AKAP17A: variants seen among roughly 807,000 people sequenced by gnomAD.
AKAP17A encodes A-kinase anchor protein 17A.
Under a neutral mutation model 52.2 loss-of-function variants are expected in AKAP17A, and 15 were observed. The ratio of observed to expected loss-of-function variants is 0.29; its 90% CI spans 0.19 to 0.44. AKAP17A has a LOEUF of 0.44. AKAP17A is among the 20% of genes least tolerant of loss of function. The pLI is 1.00. For synonymous variants in AKAP17A, 514 were observed against 424.7 expected (o/e 1.21, Z -2.58); for missense variants, 1,060 against 1,007.0 (o/e 1.05, Z -0.71).
intron 4 of AKAP17A, chrX:1,599,730 C>A: frequency 3.2e-6 from 2 of 621,836 alleles, no homozygotes; most frequent in South Asian, 3.9e-5. Flanking sequence ...TCCTTTGGGT[C>A]GGGGCAGTGG....
At chrX:1,595,804 C>T (rs1183310137) in intron 3 of AKAP17A, among the ~76,000 whole-genome samples, 1 of 151,562 alleles carries the variant, frequency 6.6e-6, no homozygotes, top group African/African-American at 2.4e-5. Context: ...CGTGTGTGTA[C>T]CTGTGTGTGT....
At chrX:1,594,372 A>G in intron 2 of AKAP17A, 148 bp downstream of exon 2, 1 of 948,274 alleles carries the variant, frequency 1.1e-6, no homozygotes, top group Non-Finnish European at 1.5e-6. Flanking sequence ...TGCCTGTCCA[A>G]TTTCAGAGGC....
Position 1,596,226 on chromosome X carries a change from T to TTA in AKAP17A, c.911+694_911+695insTA, listed in dbSNP as rs760221329. ...GAGGGTTGATGGTGATGGCCAGATT[T>TTA]AAAAAAAAAAAAAAAAACAAAAAAC... On this transcript the variant is annotated intron_variant, in intron 3 of 4. Coordinates refer to ENST00000313871, the MANE Select transcript of AKAP17A (RefSeq NM_005088.3). Among the ~76,000 whole-genome samples the TTA allele has an allele frequency of 2.0e-4, 27 of 133,976 alleles. No individual in the cohort carries two copies. In the East Asian group the frequency reaches 5.6e-3, roughly 28 times the overall value. 87.9% of individuals were successfully genotyped at this position (133,976 alleles called of 152,430 possible).
intron 3 of AKAP17A, 55 bp from the exon 4 acceptor site, chrX:1,599,137 T>G (rs1304798591): frequency 1.3e-6 from 2 of 1,591,654 alleles, no homozygotes; most frequent in Admixed American, 3.5e-5. Context: ...TTGTATGGTG[T>G]GTGGTGTGTT....
In AKAP17A at chrX:1,599,446, C is replaced by T; in HGVS notation, c.1152+14C>T. 6.4e-7 allele frequency: 1 copy of T among 1,555,518 alleles called. No individual in the cohort carries two copies. ...AGCAGAGCCAAGGTACCCGGGGGCT[C>T]CCTCTGCAGCCGCCAGCCGCGCCCG... is the stretch of plus-strand genomic sequence containing the variant. On this transcript the variant is annotated intron_variant, in intron 4 of 4. Transcript: ENST00000313871.
intron 2 of AKAP17A, 87 bp downstream of exon 2, chrX:1,594,311 C>A: frequency 1.4e-6 from 2 of 1,418,390 alleles, no homozygotes; most frequent in Non-Finnish European, 9.3e-7. Flanking sequence ...CCCAGCCACA[C>A]CCCTGAGGCT....
Position 1,601,672 on chromosome X carries a change from T to A in AKAP17A, c.*78T>A, listed in dbSNP as rs1283960787. 2 of 1,298,488 alleles carry A rather than the reference T, an allele frequency of 1.5e-6. No individual in the cohort carries two copies. Among genetic ancestry groups the A allele is most frequent in the African/African-American group, 1.6e-5 (1 of 64,126 alleles). The allele number at this position is 1,298,488 out of a possible 1,614,324, so 80.4% of individuals were successfully genotyped here. A position where few individuals can be genotyped will look rare whatever the true frequency, so the allele number is the denominator to read the frequency against. On this transcript the variant is annotated 3_prime_UTR_variant, in exon 5 of 5. Coordinates refer to ENST00000313871, the MANE Select transcript of AKAP17A (RefSeq NM_005088.3). ...AGCCTCCTGGCCGCTCCTTGGCCGC[T>A]CTCCGTCCACCCCTGCAAAGCCAAG... is the stretch of plus-strand genomic sequence containing the variant.
Position 1,594,114 on chromosome X carries a change from T to C in AKAP17A, c.652T>C (p.Tyr218His). The part of the protein sequence containing the change: ...SFGGHLNFEA[Y>H]VQYREYMGFI... Reference sequence around the variant, plus strand: ...CGGGGGGCACTTGAACTTCGAGGCCTATGTGCAGTACCGCGAGTACATGGG... The same window carrying C: ...CGGGGGGCACTTGAACTTCGAGGCCCATGTGCAGTACCGCGAGTACATGGG... The change falls in exon 2 of 5, where the codon TAT becomes CAT. Residue 218 changes from tyrosine to histidine, a missense_variant. By Grantham distance (83) the Tyr-to-His change is moderately conservative (BLOSUM62 2). Around this residue, in one of 2 missense-constraint regions of AKAP17A, gnomAD observed 267 missense variants for 377.1 expected, o/e 0.71. Coordinates refer to ENST00000313871, the MANE Select transcript of AKAP17A (RefSeq NM_005088.3). 6.2e-7 allele frequency: 1 copy of C among 1,613,594 alleles called. No homozygotes were observed. The highest frequency in any genetic ancestry group is 8.5e-7 in the Non-Finnish European group (1 of 1,179,740).
chrX:1,597,938 G>A (rs1303159831), intron 3 of AKAP17A, among the ~76,000 whole-genome samples: 4 of 152,154 alleles, frequency 2.6e-5, no homozygotes, highest in African/African-American at 4.8e-5. Flanking sequence ...ACGCAGGGCC[G>A]TACTTGTCCC....
chrX:1,593,978 C>T lies in AKAP17A; in HGVS notation c.516C>T (p.Asp172=), dbSNP rs188716459. 89 of 1,601,130 alleles carry T rather than the reference C, an allele frequency of 5.6e-5. No individual in the cohort carries two copies. In the East Asian group the frequency reaches 1.5e-3, roughly 27 times the overall value. ...KESGSEKPSE[D]VLVKVFEKFG... is the part of the protein sequence containing the mutation. ...CGGGCTCCGAGAAGCCCAGCGAGGA[C>T]GTCCTGGTCAAGGTGTTTGAGAAGT... Residue 172 remains aspartate, a synonymous_variant, in exon 2 of 5, where the codon GAC becomes GAT. Coordinates refer to ENST00000313871, the MANE Select transcript of AKAP17A (RefSeq NM_005088.3).
Position 1,601,039 on chromosome X carries a change from C to T in AKAP17A, c.1533C>T (p.Ser511=), listed in dbSNP as rs746552907. 16 of 1,612,528 alleles carry T rather than the reference C, an allele frequency of 9.9e-6. No homozygotes were observed. Among genetic ancestry groups the T allele is most frequent in the Admixed American group, 3.3e-5 (2 of 59,934 alleles). ...AHPEADGAPK[S]VNGSVAEEAP... is the part of the protein sequence containing the mutation. Reference sequence around the variant, plus strand: ...CAGAGGCCGACGGCGCTCCCAAAAGCGTGAACGGGAGCGTGGCCGAGGAGG... The same window carrying T: ...CAGAGGCCGACGGCGCTCCCAAAAGTGTGAACGGGAGCGTGGCCGAGGAGG... The change falls in exon 5 of 5, where the codon AGC becomes AGT. Residue 511 remains serine, a synonymous_variant. Coordinates refer to ENST00000313871, the MANE Select transcript of AKAP17A (RefSeq NM_005088.3).
intron 1 of AKAP17A, among the ~76,000 whole-genome samples, chrX:1,592,481 T>G (rs1167489575): frequency 5.9e-5 from 9 of 151,716 alleles, no homozygotes; most frequent in Admixed American, 2.0e-4. Flanking sequence ...TGGGGCCGCT[T>G]GGGTTCTGGG....
rs1215640029 is a variant in AKAP17A at position 1,593,402 on chromosome X, G to A, written c.-19-42G>A. 7 of 1,557,338 alleles carry A rather than the reference G, an allele frequency of 4.5e-6. No homozygotes were observed. The Admixed American group carries it at 5.3e-5, about 12-fold the overall frequency. ...TGGCCCCTCCTCATTGGCGGGGGAG[G>A]TGGGGGGTGCTGGTGCTGACTGTCT... On this transcript the variant is annotated intron_variant, in intron 1 of 4. Transcript: ENST00000313871.
rs1396721969 is a variant in AKAP17A at position 1,591,666 on chromosome X, G to A, written c.-123G>A. 1 of 152,050 alleles carries A rather than the reference G, an allele frequency of 6.6e-6. No individual in the cohort carries two copies. The highest frequency in any genetic ancestry group is 2.4e-5 in the African/African-American group (1 of 41,344). 9.4% of individuals were successfully genotyped at this position (152,050 alleles called of 1,614,324 possible). ...GGAGGCGCCTCCGGGGGACGGTGGCGGCTCCCGGCGGTGAGGCCGCGCCTG... is the reference window on the plus strand; with the variant it reads ...GGAGGCGCCTCCGGGGGACGGTGGCAGCTCCCGGCGGTGAGGCCGCGCCTG... On this transcript the variant is annotated 5_prime_UTR_variant, in exon 1 of 5. Transcript: ENST00000313871.
rs73631255 is a variant in AKAP17A at position 1,594,282 on chromosome X, G to T, written c.762+58G>T. On this transcript the variant is annotated intron_variant, in intron 2 of 4. Coordinates refer to ENST00000313871, the MANE Select transcript of AKAP17A (RefSeq NM_005088.3). Reference sequence around the variant, plus strand: ...TCCTCCCTCTGGCGACTTCCTTCCAGCAGGGTCAGCAGAACGCTCCCAGCC... The same window carrying T: ...TCCTCCCTCTGGCGACTTCCTTCCATCAGGGTCAGCAGAACGCTCCCAGCC... 2.2e-5 allele frequency: 33 copies of T among 1,491,072 alleles called. No individual in the cohort carries two copies. In the African/African-American group the frequency reaches 4.6e-4, roughly 21 times the overall value. The allele number at this position is 1,491,072 out of a possible 1,614,324, so 92.4% of individuals were successfully genotyped here. A position where few individuals can be genotyped will look rare whatever the true frequency, so the allele number is the denominator to read the frequency against.
At position 1,595,490 on chromosome X, in the gene AKAP17A, G is replaced by A. The variant is rs1932931249; in HGVS notation, c.869G>A (p.Arg290His). ...GAGCAGCAAAGAGAAGAACAAAAGC[G>A]CAGAGAGAAGGAAGCGGAGGAGAGG... ...ELEQQREEQK[R>H]REKEAEERQR... Residue 290 changes from arginine to histidine, a missense_variant, in exon 3 of 5, where the codon CGC becomes CAC. Physicochemically the swap from Arg to His is conservative, Grantham distance 29. Transcript: ENST00000313871. The A allele has an allele frequency of 3.1e-6, 5 of 1,614,018 alleles. No individual in the cohort carries two copies. The highest frequency in any genetic ancestry group is 4.2e-6 in the Non-Finnish European group (5 of 1,179,876).
At chrX:1,599,497 A>C in intron 4 of AKAP17A, 65 bp downstream of exon 4, 1 of 1,549,868 alleles carries the variant, frequency 6.5e-7, no homozygotes. Context: ...CCTCCCCTGA[A>C]ATGCGGGCGG....
At chrX:1,599,129 G>T (rs1308547033) in intron 3 of AKAP17A, 63 bp from the exon 4 acceptor site, 1 of 1,581,136 alleles carries the variant, frequency 6.3e-7, no homozygotes, top group Non-Finnish European at 8.6e-7. Context: ...AAAGCCGCTT[G>T]TATGGTGTGT....
chrX:1,602,276 A>G lies in AKAP17A; in HGVS notation c.*682A>G, dbSNP rs1279827667. On this transcript the variant is annotated 3_prime_UTR_variant, in exon 5 of 5. Coordinates refer to ENST00000313871, the MANE Select transcript of AKAP17A (RefSeq NM_005088.3). ...AATTAAGCATAAAAAAGATTGGTTA[A>G]AAGCTTTGGTTTCTAGTAAAGGTTA... 1 of 152,186 alleles carries G rather than the reference A, an allele frequency of 6.6e-6. No individual in the cohort carries two copies. Among genetic ancestry groups the G allele is most frequent in the Admixed American group, 6.6e-5 (1 of 15,264 alleles). 9.4% of individuals were successfully genotyped at this position (152,186 alleles called of 1,614,324 possible). A position where few individuals can be genotyped will look rare whatever the true frequency, so the allele number is the denominator to read the frequency against.
Sources: gnomAD v4.1 joint callset for allele counts (sites outside exome capture counted in the v4.1 genomes callset) on GRCh38, gnomAD v4.1.1 for gene constraint, gnomAD v4.1.1 regional missense constraint, MANE v1.5 for transcripts, NCBI Gene and HGNC (gene_info 2026-07-23, HGNC 2026-07-21) for gene names.